The following SLC7A7 variants were observed in gnomAD, a reference collection of about 807,000 sequenced individuals.
SLC7A7 encodes the protein solute carrier family 7 member 7.
In SLC7A7, 39 loss-of-function variants were observed where a neutral mutation model predicts 47.9. That is an observed-to-expected ratio of 0.81 (90% CI 0.63 to 1.06). The LOEUF (loss-of-function observed/expected upper bound fraction) is 1.06, where lower values mean the gene tolerates loss of function less well. Ranked by LOEUF, SLC7A7 falls within the 50% of genes least tolerant of loss-of-function variation. The pLI is 0.00. For synonymous variants in SLC7A7, 234 were observed against 242.8 expected (o/e 0.96, Z 0.34); for missense variants, 588 against 632.0 (o/e 0.93, Z 0.75).
chr14:22,806,721 G>T (rs543961686), intron 2 of SLC7A7, among the ~76,000 whole-genome samples: 1 of 152,148 alleles, frequency 6.6e-6, no homozygotes, highest in Admixed American at 6.5e-5. Context: ...AAAGCACAAG[G>T]CACACCTTCC....
chr14:22,789,627 CAAAAAAAAAAA>C (rs71115580), intron 2 of SLC7A7, among the ~76,000 whole-genome samples: 5 of 112,578 alleles, frequency 4.4e-5, no homozygotes, highest in Non-Finnish European at 7.3e-5. Context: ...GACTCTGGCT[CAAAAAAAAAAA>C]AAAAAAAGAA....
chr14:22,775,658 T>C (rs1252012682), intron 6 of SLC7A7, 118 bp from the exon 7 acceptor site: 1 of 971,236 alleles, frequency 1.0e-6, no homozygotes, highest in Non-Finnish European at 1.7e-6. Context: ...TTGGATAATA[T>C]GGACTGGAGC....
At chr14:22,817,241 G>T (rs1171075022), upstream of SLC7A7, 6 of 242,902 alleles carry the variant, frequency 2.5e-5, no homozygotes, top group Non-Finnish European at 5.1e-5. Context: ...CCACCTCCTG[G>T]TTCAAGCAAT....
rs1319879323 is a variant in SLC7A7, at chr14:22,773,271, G to GTC, written c.*337_*338dup. 2.2e-6 allele frequency: 1 copy of GTC among 453,828 alleles called. No homozygotes were observed. The highest frequency in any genetic ancestry group is 1.6e-5 in the South Asian group (1 of 60,646). The allele number at this position is 453,828 out of a possible 1,614,324, so 28.1% of individuals were successfully genotyped here. A position where few individuals can be genotyped will look rare whatever the true frequency, so the allele number is the denominator to read the frequency against. On this transcript the variant is annotated 3_prime_UTR_variant, in exon 10 of 10. Coordinates refer to ENST00000674313, the MANE Select transcript of SLC7A7 (RefSeq NM_003982.4). ...CATCCAGCACCTGTGATAGTTTCATGTCTCTCTAAAGGAGACAGGAAATTG... is the reference window on the plus strand; with the variant it reads ...CATCCAGCACCTGTGATAGTTTCATGTCTCTCTCTAAAGGAGACAGGAAATTG...
At chr14:22,777,122 C>T (rs971980653) in intron 4 of SLC7A7, among the ~76,000 whole-genome samples, 12 of 120,128 alleles carry the variant, frequency 1.0e-4, no homozygotes, top group Middle Eastern at 5.3e-3. Context: ...CCAGCCTGGG[C>T]AAGGCAGCCA....
rs540647443 is a variant in SLC7A7, at chr14:22,788,498, T to A, written c.500-8447A>T. Among the ~76,000 whole-genome samples the A allele has an allele frequency of 4.1e-4, 62 of 151,256 alleles. No homozygotes were observed. The South Asian group carries it at 4.8e-3, about 12-fold the overall frequency. On this transcript the variant is annotated intron_variant, in intron 2 of 9. Coordinates refer to ENST00000674313, the MANE Select transcript of SLC7A7 (RefSeq NM_003982.4). ...GGCGGGCAGATCACAAAGTCAGGAG[T>A]TTGAGATCAGCCTGGCCAACATGGT...
At chr14:22,779,504 G>T (rs567815819) in intron 3 of SLC7A7, among the ~76,000 whole-genome samples, 2 of 151,760 alleles carry the variant, frequency 1.3e-5, no homozygotes, top group Non-Finnish European at 2.9e-5. Context: ...GCCCAGGCTG[G>T]AGTGCAGTGG....
upstream of SLC7A7, among the ~76,000 whole-genome samples, chr14:22,819,020 T>A (rs2039443140): frequency 6.6e-6 from 1 of 152,144 alleles, no homozygotes; most frequent in African/African-American, 2.4e-5. Flanking sequence ...CTACAGCTTG[T>A]GGAAGAAATT....
chr14:22,814,153 T>C (rs1012541041), intron 1 of SLC7A7, among the ~76,000 whole-genome samples: 4 of 151,810 alleles, frequency 2.6e-5, no homozygotes, highest in African/African-American at 9.7e-5. Context: ...TCTCTCATCA[T>C]TAGGACATTG....
intron 2 of SLC7A7, among the ~76,000 whole-genome samples, chr14:22,786,432 C>T (rs1425507323): frequency 1.3e-5 from 2 of 152,172 alleles, no homozygotes; most frequent in Non-Finnish European, 1.5e-5. Context: ...CCTCACCATC[C>T]CAGGACTGTC....
intron 2 of SLC7A7, among the ~76,000 whole-genome samples, chr14:22,788,608 G>A (rs1415537783): frequency 2.0e-5 from 3 of 151,666 alleles, no homozygotes; most frequent in Non-Finnish European, 4.4e-5. Context: ...GGAGGCTGAG[G>A]CAGGAGAATC....
At chr14:22,799,642 A>T (rs2039078989) in intron 2 of SLC7A7, among the ~76,000 whole-genome samples, 1 of 151,094 alleles carries the variant, frequency 6.6e-6, no homozygotes, top group Non-Finnish European at 1.5e-5. Context: ...TTTAGTAGAG[A>T]CAGGGTTTCG....
intron 2 of SLC7A7, among the ~76,000 whole-genome samples, chr14:22,798,758 CA>C (rs1257201144): frequency 2.0e-5 from 3 of 152,302 alleles, no homozygotes; most frequent in Admixed American, 6.5e-5. Flanking sequence ...TTTCACCCTG[CA>C]AAAGTTTTCC....
chr14:22,783,445 G>A (rs1255676327), intron 2 of SLC7A7, among the ~76,000 whole-genome samples: 1 of 150,026 alleles, frequency 6.7e-6, no homozygotes, highest in Non-Finnish European at 1.5e-5. Context: ...CCGTCCCCCA[G>A]GCTGGAGTAC....
chr14:22,805,552 G>A (rs2039186879), intron 2 of SLC7A7, among the ~76,000 whole-genome samples: 1 of 152,154 alleles, frequency 6.6e-6, no homozygotes, highest in African/African-American at 2.4e-5. Flanking sequence ...TTATAAGTGG[G>A]AGCTGAACGG....
chr14:22,804,717 G>C (rs965067715), intron 2 of SLC7A7, among the ~76,000 whole-genome samples: 5 of 152,132 alleles, frequency 3.3e-5, no homozygotes, highest in African/African-American at 9.7e-5. Flanking sequence ...AAACAGTCAG[G>C]CATGGTGGTT....
intron 9 of SLC7A7, 44 bp downstream of exon 9, chr14:22,773,889 C>T: frequency 2.5e-6 from 4 of 1,611,256 alleles, no homozygotes; most frequent in Non-Finnish European, 3.4e-6. Flanking sequence ...AGGCAAAAAC[C>T]AAGCTCTGCA....
At chr14:22,793,186 G>C (rs1360766869) in intron 2 of SLC7A7, among the ~76,000 whole-genome samples, 1 of 151,728 alleles carries the variant, frequency 6.6e-6, no homozygotes, top group Non-Finnish European at 1.5e-5. Context: ...CAAAGTGCTG[G>C]GATTACAGGC....
At chr14:22,801,862 G>A (rs1270347454) in intron 2 of SLC7A7, among the ~76,000 whole-genome samples, 3 of 152,132 alleles carry the variant, frequency 2.0e-5, no homozygotes, top group Admixed American at 6.6e-5. Context: ...ACACACCCAC[G>A]CACACACATA....
Sources: allele counts gnomAD v4.1 joint callset (sites outside exome capture counted in the v4.1 genomes callset), GRCh38; gene constraint gnomAD v4.1.1; transcripts MANE v1.5; gene names NCBI Gene and HGNC (gene_info 2026-07-23, HGNC 2026-07-21).